PTPRT: variants seen among roughly 807,000 people sequenced by gnomAD.
The protein encoded by PTPRT is receptor-type tyrosine-protein phosphatase T.
Under a neutral mutation model 176.8 loss-of-function variants are expected in PTPRT, and 56 were observed. The ratio of observed to expected loss-of-function variants is 0.32; its 90% confidence interval spans 0.26 to 0.40. The LOEUF (loss-of-function observed/expected upper bound fraction) is 0.40, where lower values mean the gene tolerates loss of function less well. PTPRT is among the 10% of genes least tolerant of loss of function. PTPRT has a pLI of 1.00. For synonymous variants in PTPRT, 783 were observed against 739.0 expected, an observed-to-expected ratio of 1.06 and a Z score of -0.96; for missense variants, 1,540 against 1,908.2, an observed-to-expected ratio of 0.81 and a Z score of 3.60.
At chr20:42,118,110 C>A (rs980120064) in intron 21 of PTPRT, among the ~76,000 whole-genome samples, 1 of 152,110 alleles carries the variant, frequency 6.6e-6, no homozygotes, top group African/African-American at 2.4e-5. Flanking sequence ...GTTGTAGATA[C>A]AAGTAGGATT....
In PTPRT at chr20:42,341,425, TA is replaced by T. The variant is rs57688619; in HGVS notation, c.1865+9202del. Among the ~76,000 whole-genome samples the T allele has an allele frequency of 6.9e-3, 1,045 of 151,606 alleles. 8 individuals carry two copies. The highest frequency in any genetic ancestry group is 0.024 in the African/African-American group (991 of 41,332). ...AAGCTCCTGGAGAAGATTAAACGAT[TA>T]AAAAAAAATTAAACGATTCTTCCTT... On this transcript the variant is annotated intron_variant, in intron 11 of 30. Coordinates refer to ENST00000373187, the MANE Select transcript of PTPRT (RefSeq NM_007050.6).
In PTPRT at chr20:42,772,421, A is replaced by G. The variant is rs969042786; in HGVS notation, c.569-871T>C. Among the ~76,000 whole-genome samples, 5 of 152,212 alleles carry G rather than the reference A, an allele frequency of 3.3e-5. No individual in the cohort carries two copies. In the South Asian group the frequency reaches 1.0e-3, roughly 32 times the overall value. Reference sequence around the variant, plus strand: ...AGCGTTGATTCTAGGGACTGGACATAACAGGGAAAGGGTCTTTCAAATGAA... The same window carrying G: ...AGCGTTGATTCTAGGGACTGGACATGACAGGGAAAGGGTCTTTCAAATGAA... On this transcript the variant is annotated intron_variant, in intron 4 of 30. Transcript: ENST00000373187.
intron 2 of PTPRT, among the ~76,000 whole-genome samples, chr20:42,818,031 T>A (rs560158990): frequency 1.3e-5 from 2 of 152,194 alleles, no homozygotes; most frequent in East Asian, 3.9e-4. Flanking sequence ...AGTGTTTCAT[T>A]AAATGGGTCC....
intron 17 of PTPRT, among the ~76,000 whole-genome samples, chr20:42,145,634 T>C (rs1988836030): frequency 6.6e-6 from 1 of 152,198 alleles, no homozygotes; most frequent in African/African-American, 2.4e-5. Context: ...ATGCAGTGGC[T>C]GAGTAGGTGG....
At chr20:42,048,631 T>C in the PTPRT span, among the ~76,000 whole-genome samples, 18 of 152,254 alleles carry the variant, frequency 1.2e-4, no homozygotes, top group East Asian at 3.1e-3. Context: ...CCTACAGACA[T>C]GTGAGCAAGA....
intron 2 of PTPRT, among the ~76,000 whole-genome samples, chr20:42,813,295 A>C (rs1449826463): frequency 6.6e-6 from 1 of 152,020 alleles, no homozygotes; most frequent in East Asian, 1.9e-4. Context: ...TGAATAATTT[A>C]CCTCTGTTTC....
intron 12 of PTPRT, among the ~76,000 whole-genome samples, chr20:42,300,231 C>T (rs1044675105): frequency 3.6e-5 from 5 of 138,518 alleles, no homozygotes; most frequent in African/African-American, 1.1e-4. Context: ...GTACTCCGGC[C>T]TGGGCAAAAG....
At chr20:42,511,401 CA>C (rs1339222699) in intron 7 of PTPRT, among the ~76,000 whole-genome samples, 4 of 151,984 alleles carry the variant, frequency 2.6e-5, no homozygotes, top group African/African-American at 7.3e-5. Context: ...CAGGAACACT[CA>C]AGGGGAAGAG....
chr20:43,016,044 T>G (rs1015915307), intron 1 of PTPRT, among the ~76,000 whole-genome samples: 1 of 151,930 alleles, frequency 6.6e-6, no homozygotes, highest in Non-Finnish European at 1.5e-5. Context: ...ATCCCCAAGC[T>G]GAAAGCATCC....
chr20:42,112,181 T>A (rs914139474), intron 22 of PTPRT, among the ~76,000 whole-genome samples: 1 of 152,218 alleles, frequency 6.6e-6, no homozygotes, highest in Non-Finnish European at 1.5e-5. Context: ...TCCTGCTACA[T>A]GAAGGATGGA....
In PTPRT at chr20:42,477,674, T is replaced by C. The variant is rs138647917; in HGVS notation, c.1154-5112A>G. 1.6e-3 allele frequency among the ~76,000 whole-genome samples: 237 copies of C among 152,318 alleles called. 2 individuals carry two copies. The highest frequency in any genetic ancestry group is 5.6e-3 in the African/African-American group (232 of 41,570). On this transcript the variant is annotated intron_variant, in intron 7 of 30. Transcript: ENST00000373187. ...TGTAAATACAGCCAAGCCTAGAGCC[T>C]ATGGTTTCTGCCTCCAGATAAAGCC...
chr20:42,408,131 T>G (rs1200899689), intron 9 of PTPRT, among the ~76,000 whole-genome samples: 1 of 152,126 alleles, frequency 6.6e-6, no homozygotes, highest in Non-Finnish European at 1.5e-5. Flanking sequence ...TAATTTTAAT[T>G]CATAAAATTA....
At chr20:42,412,938 G>A (rs1241777730) in intron 9 of PTPRT, among the ~76,000 whole-genome samples, 1 of 152,026 alleles carries the variant, frequency 6.6e-6, no homozygotes, top group African/African-American at 2.4e-5. Flanking sequence ...TTGGGATTAT[G>A]AAAATATTTT....
chr20:42,917,283 A>G (rs1165993818), intron 1 of PTPRT, among the ~76,000 whole-genome samples: 1 of 151,970 alleles, frequency 6.6e-6, no homozygotes, highest in Non-Finnish European at 1.5e-5. Flanking sequence ...GCTATGCGGC[A>G]TTATTTCTGA....
intron 12 of PTPRT, among the ~76,000 whole-genome samples, chr20:42,310,654 G>C (rs903859435): frequency 5.3e-5 from 8 of 152,034 alleles, no homozygotes; most frequent in Admixed American, 3.3e-4. Context: ...GTCTAGACTA[G>C]ATGACACTTC....
intron 21 of PTPRT, among the ~76,000 whole-genome samples, chr20:42,117,778 A>G (rs191007817): frequency 4.9e-4 from 74 of 152,320 alleles, no homozygotes; most frequent in African/African-American, 1.7e-3. Context: ...TTTGGCAGAA[A>G]AGAGGGAACA....
intron 7 of PTPRT, among the ~76,000 whole-genome samples, chr20:42,594,918 C>G (rs2073644608): frequency 6.6e-6 from 1 of 152,138 alleles, no homozygotes; most frequent in South Asian, 2.1e-4. Flanking sequence ...CCCTGACAAA[C>G]AGAAATGAAT....
At chr20:43,115,176 C>T (rs2013010401) in intron 1 of PTPRT, among the ~76,000 whole-genome samples, 1 of 152,126 alleles carries the variant, frequency 6.6e-6, no homozygotes, top group South Asian at 2.1e-4. Context: ...AGGACATGGC[C>T]TCCTCCTTCT....
intron 11 of PTPRT, among the ~76,000 whole-genome samples, chr20:42,330,063 G>A (rs930138749): frequency 1.3e-5 from 2 of 152,128 alleles, no homozygotes; most frequent in Non-Finnish European, 2.9e-5. Flanking sequence ...CAATGTTTAC[G>A]AAATAGATCC....
Sources: allele counts gnomAD v4.1 joint callset (sites outside exome capture counted in the v4.1 genomes callset), GRCh38; gene constraint gnomAD v4.1.1; transcripts MANE v1.5; gene names NCBI Gene and HGNC (gene_info 2026-07-23, HGNC 2026-07-21).